Variants in GABPB2 observed in about 807,000 individuals in gnomAD.
The protein encoded by GABPB2 is GA binding protein transcription factor subunit beta 2, also known as GA-binding protein subunit beta-2.
Under a neutral mutation model 39.1 loss-of-function variants are expected in GABPB2, and 23 were observed. The observed-to-expected ratio is 0.59, with a 90% CI of 0.42 to 0.83. The LOEUF (loss-of-function observed/expected upper bound fraction) is 0.83, where lower values mean the gene tolerates loss of function less well. GABPB2 is among the 40% of genes least tolerant of loss of function. The probability of loss-of-function intolerance (pLI) is 0.00; values close to 1 mark genes in which losing one functional copy is unlikely to be tolerated. For missense variants in GABPB2, 467 were observed against 541.1 expected (o/e 0.86, Z 1.36); for synonymous variants, 184 against 199.3 (o/e 0.92, Z 0.65).
intron 4 of GABPB2, among the ~76,000 whole-genome samples, chr1:151,096,265 A>C (rs1679088776): frequency 6.6e-6 from 1 of 152,022 alleles, no homozygotes; most frequent in Non-Finnish European, 1.5e-5. Context: ...CTCTACTAAA[A>C]TACAAAAGAA....
At position 151,090,538 on chromosome 1, in the gene GABPB2, G is replaced by A. The variant is rs760498129; in HGVS notation, c.241G>A (p.Asp81Asn). ...DRTPLHMAAADGHAHIVELLV... is the reference protein window; with the variant it reads ...DRTPLHMAAANGHAHIVELLV... Reference sequence around the variant, plus strand: ...GACCCCCTTGCACATGGCTGCAGCCGATGGACATGCGCACATCGTGGAACT... The same window carrying A: ...GACCCCCTTGCACATGGCTGCAGCCAATGGACATGCGCACATCGTGGAACT... Residue 81 changes from aspartate to asparagine, a missense_variant, in exon 3 of 9, where the codon GAT becomes AAT. Asp to Asn is a conservative substitution (Grantham distance 23, BLOSUM62 1). Transcript: ENST00000368918. 3.2e-5 allele frequency: 52 copies of A among 1,613,990 alleles called. No homozygotes were observed. The highest frequency in any genetic ancestry group is 2.7e-4 in the East Asian group (12 of 44,898).
intron 1 of GABPB2, among the ~76,000 whole-genome samples, chr1:151,071,297 C>T (rs770388568): frequency 4.1e-4 from 62 of 152,100 alleles, no homozygotes; most frequent in Non-Finnish European, 7.2e-4. Flanking sequence ...TGGTTCCCAT[C>T]TTTCAGACAG....
intron 5 of GABPB2, among the ~76,000 whole-genome samples, chr1:151,099,040 C>T (rs1445071702): frequency 6.9e-6 from 1 of 144,306 alleles, no homozygotes; most frequent in African/African-American, 2.6e-5. Context: ...GCCGAGATTG[C>T]GCCATTGCGC....
chr1:151,103,605 C>T lies in GABPB2; in HGVS notation c.666C>T (p.Thr222=), dbSNP rs1679709319. 6.2e-7 allele frequency: 1 copy of T among 1,614,100 alleles called. No homozygotes were observed. The highest frequency in any genetic ancestry group is 8.5e-7 in the Non-Finnish European group (1 of 1,179,996). ...ASTVQFSNST[T]SVLATLAALA... ...CAGTACAGTTTTCAAATTCTACCAC[C>T]TCAGTGCTGGCTACCCTTGCAGCTC... Residue 222 remains threonine (T), a synonymous_variant, in exon 6 of 9, where the codon ACC becomes ACT. Transcript: ENST00000368918.
chr1:151,094,902 C>T (rs1226552184), intron 4 of GABPB2, among the ~76,000 whole-genome samples: 1 of 150,236 alleles, frequency 6.7e-6, no homozygotes, highest in African/African-American at 2.4e-5. Context: ...CCCAGCTACT[C>T]GGGAGGCTGA....
Position 151,107,123 on chromosome 1 carries a change from A to T in GABPB2, c.823A>T (p.Ile275Leu), listed in dbSNP as rs1405982484. 2 of 1,613,478 alleles carry T rather than the reference A, an allele frequency of 1.2e-6. No homozygotes were observed. The highest frequency in any genetic ancestry group is 1.6e-4 in the Middle Eastern group (1 of 6,062). ...MGSGGQRVITIVTDGVPLGNI... is the reference protein window; with the variant it reads ...MGSGGQRVITLVTDGVPLGNI... ...GAGTGGAGGCCAGAGGGTCATCACCATAGTGACTGATGGAGTCCCTCTGGG... is the reference window on the plus strand; with the variant it reads ...GAGTGGAGGCCAGAGGGTCATCACCTTAGTGACTGATGGAGTCCCTCTGGG... Residue 275 changes from isoleucine to leucine, a missense_variant, in exon 7 of 9, where the codon ATA becomes TTA. Transcript: ENST00000368918.
intron 5 of GABPB2, among the ~76,000 whole-genome samples, chr1:151,098,736 C>A (rs990215677): frequency 2.6e-5 from 4 of 152,028 alleles, no homozygotes; most frequent in African/African-American, 9.7e-5. Flanking sequence ...GTTCTTAGTG[C>A]ATATATAAAA....
chr1:151,080,868 TAAAAA>T (rs201831450), intron 1 of GABPB2, among the ~76,000 whole-genome samples: 2 of 140,828 alleles, frequency 1.4e-5, no homozygotes, highest in South Asian at 5.1e-4. Context: ...AAAAAAAAAA[TAAAAA>T]AGAAAGGTTT....
At position 151,117,607 on chromosome 1, in the gene GABPB2, G is replaced by A. The variant is rs186136199; in HGVS notation, c.1047+91G>A. 470 of 1,395,328 alleles carry A rather than the reference G, an allele frequency of 3.4e-4. 2 individuals carry two copies. The African/African-American group carries it at 4.2e-3, about 13-fold the overall frequency. 86.4% of individuals were successfully genotyped at this position (1,395,328 alleles called of 1,614,324 possible). ...ATCTTTTCTTTTTTCTTTTTGAGACGGAGTCTTGCTGTGTTGCCCAGGCTG... is the reference window on the plus strand; with the variant it reads ...ATCTTTTCTTTTTTCTTTTTGAGACAGAGTCTTGCTGTGTTGCCCAGGCTG... On this transcript the variant is annotated intron_variant, in intron 8 of 8. Transcript: ENST00000368918.
intron 2 of GABPB2, chr1:151,088,567 AGGTTT>A: frequency 1.5e-6 from 1 of 675,220 alleles, no homozygotes; most frequent in Non-Finnish European, 2.3e-6. Context: ...TATTTTCTAA[AGGTTT>A]AACTGTCTCT....
chr1:151,090,255 A>C, intron 2 of GABPB2, 151 bp from the exon 3 acceptor site: 1 of 735,940 alleles, frequency 1.4e-6, no homozygotes, highest in South Asian at 1.9e-5. Context: ...CTGGCCTTTA[A>C]TTTGTAAATT....
At chr1:151,096,147 G>A (rs1365545154) in intron 4 of GABPB2, among the ~76,000 whole-genome samples, 2 of 152,034 alleles carry the variant, frequency 1.3e-5, no homozygotes, top group Non-Finnish European at 2.9e-5. Flanking sequence ...TTTCTGGCTG[G>A]GCGTGGTGGC....
At chr1:151,088,344 T>C (rs1466389262) in intron 2 of GABPB2, 47 bp downstream of exon 2, 2 of 1,494,708 alleles carry the variant, frequency 1.3e-6, no homozygotes, top group Non-Finnish European at 1.8e-6. Context: ...TGTATGCTTT[T>C]ACCAACATTT....
At chr1:151,095,083 A>G (rs587678820) in intron 4 of GABPB2, among the ~76,000 whole-genome samples, 1 of 152,152 alleles carries the variant, frequency 6.6e-6, no homozygotes, top group Non-Finnish European at 1.5e-5. Context: ...AGAAAATATT[A>G]TAATATTGCA....
chr1:151,120,334 G>A lies in GABPB2; in HGVS notation c.*2078G>A. The A allele has an allele frequency of 6.6e-6, 1 of 152,122 alleles. No homozygotes were observed. The highest frequency in any genetic ancestry group is 1.5e-5 in the Non-Finnish European group (1 of 68,060). 9.4% of individuals were successfully genotyped at this position (152,122 alleles called of 1,614,324 possible). A position where few individuals can be genotyped will look rare whatever the true frequency, so the allele number is the denominator to read the frequency against. ...AGCCTGGGCGATAGAGTGAGACTCTGTCTCAAACAAACAAAACAAAACAAA... is the reference window on the plus strand; with the variant it reads ...AGCCTGGGCGATAGAGTGAGACTCTATCTCAAACAAACAAAACAAAACAAA... On this transcript the variant is annotated 3_prime_UTR_variant, in exon 9 of 9. Coordinates refer to ENST00000368918, the MANE Select transcript of GABPB2 (RefSeq NM_144618.3).
intron 4 of GABPB2, among the ~76,000 whole-genome samples, chr1:151,094,043 CTTTTTTTTTTTTTT>C (rs59092942): frequency 7.4e-5 from 4 of 54,016 alleles, no homozygotes; most frequent in Admixed American, 2.7e-4. Context: ...TGATTTCGTC[CTTTTTTTTTTTTTT>C]TTTTTTTTTT....
intron 6 of GABPB2, among the ~76,000 whole-genome samples, chr1:151,106,413 C>A (rs1679970898): frequency 6.6e-6 from 1 of 152,224 alleles, no homozygotes; most frequent in African/African-American, 2.4e-5. Context: ...TCTCGACTCA[C>A]TGCAACCTCT....
Position 151,120,756 on chromosome 1 carries a change from T to A in GABPB2, c.*2500T>A, listed in dbSNP as rs1025098684. On this transcript the variant is annotated 3_prime_UTR_variant, in exon 9 of 9. Coordinates refer to ENST00000368918, the MANE Select transcript of GABPB2 (RefSeq NM_144618.3). ...TGTAATGTCAAGCTCAGTCTCTCTT[T>A]TTTTTTTTTTTTTTTTTGAGACGGA... 6.7e-6 allele frequency: 1 copy of A among 148,390 alleles called. No homozygotes were observed. Among genetic ancestry groups the A allele is most frequent in the Non-Finnish European group, 1.5e-5 (1 of 66,644 alleles). 9.2% of individuals were successfully genotyped at this position (148,390 alleles called of 1,614,324 possible).
rs1681246333 is a variant in GABPB2 at position 151,123,322 on chromosome 1, G to T, written c.*5066G>T. 1 of 152,172 alleles carries T rather than the reference G, an allele frequency of 6.6e-6. No homozygotes were observed. The highest frequency in any genetic ancestry group is 2.4e-5 in the African/African-American group (1 of 41,418). The allele number at this position is 152,172 out of a possible 1,614,324, so 9.4% of individuals were successfully genotyped here. A position where few individuals can be genotyped will look rare whatever the true frequency, so the allele number is the denominator to read the frequency against. On this transcript the variant is annotated 3_prime_UTR_variant, in exon 9 of 9. Coordinates refer to ENST00000368918, the MANE Select transcript of GABPB2 (RefSeq NM_144618.3). The stretch of plus-strand genomic sequence containing the variant: ...ATACAAAAATTAGTTGGGCATGATG[G>T]CATACGCCTGTAGTCCCAGCTACTC...
Sources: allele counts gnomAD v4.1 joint callset (sites outside exome capture counted in the v4.1 genomes callset), GRCh38; gene constraint gnomAD v4.1.1; transcripts MANE v1.5; gene names NCBI Gene and HGNC (gene_info 2026-07-23, HGNC 2026-07-21).